The following PRICKLE2 variants were observed in gnomAD, a reference collection of about 807,000 sequenced individuals.
The protein encoded by PRICKLE2 is prickle planar cell polarity protein 2, also known as prickle-like protein 2.
Under a neutral mutation model 81.4 loss-of-function variants are expected in PRICKLE2, and 21 were observed. The ratio of observed to expected loss-of-function variants is 0.26; its 90% CI spans 0.18 to 0.37. PRICKLE2 has a LOEUF of 0.37. Among genes scored for constraint, PRICKLE2 ranks in the 10% least tolerant of loss-of-function variants. The pLI is 1.00. For missense variants in PRICKLE2, 940 were observed against 1,109.0 expected (o/e 0.85, Z 2.16); for synonymous variants, 456 against 421.5 (o/e 1.08, Z -1.00).
At chr3:64,174,863 C>A in intron 2 of PRICKLE2, 1 of 212,244 alleles carries the variant, frequency 4.7e-6, no homozygotes, top group South Asian at 8.9e-5. Context: ...ACACTTTTCT[C>A]AGATTTAATT....
intron 2 of PRICKLE2, among the ~76,000 whole-genome samples, chr3:64,180,904 A>G (rs2078119537): frequency 6.6e-6 from 1 of 152,202 alleles, no homozygotes; most frequent in African/African-American, 2.4e-5. Context: ...GGTGAAAATC[A>G]ATGGGGAGAA....
In PRICKLE2 at chr3:64,258,583, G is replaced by A. The variant is rs188147742; in HGVS notation, c.129-59616C>T. Among the ~76,000 whole-genome samples, 48 of 152,084 alleles carry A rather than the reference G, an allele frequency of 3.2e-4. 1 individual carries two copies. The East Asian group carries it at 7.0e-3, about 22-fold the overall frequency. ...CGCCTGTAATCCCAGCACTTTGGGA[G>A]GCCAAGGCAGGTGGATCATGAGGTC... On this transcript the variant is annotated intron_variant, in intron 2 of 8. Coordinates refer to the PRICKLE2 transcript ENST00000295902.
intron 3 of PRICKLE2, among the ~76,000 whole-genome samples, chr3:64,161,647 C>A (rs1411902953): frequency 6.7e-6 from 1 of 149,868 alleles, no homozygotes; most frequent in Non-Finnish European, 1.5e-5. Flanking sequence ...GCACAGTTAA[C>A]CATAAACACA....
chr3:64,114,198 G>GAA (rs61130256), intron 7 of PRICKLE2, among the ~76,000 whole-genome samples: 2 of 133,576 alleles, frequency 1.5e-5, no homozygotes, highest in Admixed American at 7.5e-5. Flanking sequence ...ATAGGATTAA[G>GAA]AAAAAAAAAA....
At chr3:64,177,567 T>C (rs527752751) in intron 2 of PRICKLE2, among the ~76,000 whole-genome samples, 11 of 152,164 alleles carry the variant, frequency 7.2e-5, no homozygotes, top group Non-Finnish European at 1.5e-4. Flanking sequence ...TAAATAATAA[T>C]TCCCCATTTC....
chr3:64,178,066 T>G (rs2078056410), intron 2 of PRICKLE2, among the ~76,000 whole-genome samples: 1 of 152,216 alleles, frequency 6.6e-6, no homozygotes, highest in Admixed American at 6.5e-5. Context: ...CAACATTTAT[T>G]TTCCAGTTTT....
chr3:64,159,970 T>A lies in PRICKLE2; in HGVS notation c.366A>T (p.Pro122=), dbSNP rs1248570551. The A allele has an allele frequency of 6.2e-7, 1 of 1,614,150 alleles. No homozygotes were observed. The highest frequency in any genetic ancestry group is 2.2e-5 in the East Asian group (1 of 44,880). ...NLGRGNVRPF[P]VTMTGAICEQ... ...CACAAATAGCTCCTGTCATGGTGAC[T>A]GGGAAAGGCCTGACATTCCCGCGGC... The change falls in exon 4 of 8, where the codon CCA becomes CCT. Residue 122 remains proline (P), a synonymous_variant. Transcript: ENST00000638394.
chr3:64,151,724 C>A (rs1056701457), intron 6 of PRICKLE2, among the ~76,000 whole-genome samples: 1 of 152,208 alleles, frequency 6.6e-6, no homozygotes, highest in Non-Finnish European at 1.5e-5. Flanking sequence ...TCCTACCTCT[C>A]CCCTTCCACA....
intron 7 of PRICKLE2, among the ~76,000 whole-genome samples, chr3:64,112,677 A>C (rs1459548473): frequency 6.6e-6 from 1 of 152,250 alleles, no homozygotes; most frequent in African/African-American, 2.4e-5. Flanking sequence ...AATTAAACTA[A>C]AGAGCTTCTG....
At chr3:64,263,928 G>C (rs2079655635) in intron 2 of PRICKLE2, among the ~76,000 whole-genome samples, 1 of 152,054 alleles carries the variant, frequency 6.6e-6, no homozygotes, top group Admixed American at 6.5e-5. Context: ...TGTCTAAATG[G>C]GGACCTCATG....
intron 4 of PRICKLE2, among the ~76,000 whole-genome samples, chr3:64,158,798 A>G (rs1475781258): frequency 6.6e-6 from 1 of 152,158 alleles, no homozygotes; most frequent in Non-Finnish European, 1.5e-5. Flanking sequence ...TCTCTGGTCA[A>G]TTAGCTACCC....
At chr3:64,201,638 C>T (rs183731421) in intron 1 of PRICKLE2, among the ~76,000 whole-genome samples, 1 of 152,142 alleles carries the variant, frequency 6.6e-6, no homozygotes, top group African/African-American at 2.4e-5. Flanking sequence ...TTTCTGGATA[C>T]AAGTCCTTTA....
chr3:64,249,805 G>C (rs2079418473), intron 2 of PRICKLE2, among the ~76,000 whole-genome samples: 1 of 152,164 alleles, frequency 6.6e-6, no homozygotes, highest in Non-Finnish European at 1.5e-5. Context: ...CTTGAAGGTG[G>C]AGACTCTCTT....
intron 2 of PRICKLE2, among the ~76,000 whole-genome samples, chr3:64,250,761 T>C (rs2079435712): frequency 6.6e-6 from 1 of 152,220 alleles, no homozygotes; most frequent in Non-Finnish European, 1.5e-5. Flanking sequence ...CTTCCCTTCC[T>C]AGCACAGAGT....
chr3:64,169,964 G>T (rs1435443264), intron 2 of PRICKLE2, among the ~76,000 whole-genome samples: 1 of 152,138 alleles, frequency 6.6e-6, no homozygotes, highest in Non-Finnish European at 1.5e-5. Context: ...AGGACCATCA[G>T]GTAGCATTAC....
At chr3:64,186,735 C>T (rs898014288) in intron 2 of PRICKLE2, among the ~76,000 whole-genome samples, 2 of 152,182 alleles carry the variant, frequency 1.3e-5, no homozygotes, top group African/African-American at 4.8e-5. Flanking sequence ...AAGGAAGGCA[C>T]AGGCAGATAA....
chr3:64,161,544 A>G (rs2077733723), intron 3 of PRICKLE2, among the ~76,000 whole-genome samples: 1 of 152,182 alleles, frequency 6.6e-6, no homozygotes, highest in East Asian at 1.9e-4. Flanking sequence ...CAAAAGAGCC[A>G]TTTCAAATAG....
chr3:64,258,854 A>G (rs1213705740), intron 2 of PRICKLE2, among the ~76,000 whole-genome samples: 1 of 127,964 alleles, frequency 7.8e-6, no homozygotes, highest in Non-Finnish European at 1.7e-5. Context: ...AAAAAGAAAG[A>G]AAGAAAGAAA....
rs10690677 is a variant in PRICKLE2, at chr3:64,177,125, CTTT to C, written c.145-13999_145-13997del. 5.7e-3 allele frequency among the ~76,000 whole-genome samples: 403 copies of C among 70,808 alleles called. 1 individual carries two copies. The highest frequency in any genetic ancestry group is 0.023 in the African/African-American group (381 of 16,444). The allele number at this position is 70,808 out of a possible 152,430, so 46.5% of individuals were successfully genotyped here. A position where few individuals can be genotyped will look rare whatever the true frequency, so the allele number is the denominator to read the frequency against. ...ACATTACAAGATTTGCCATTTTAAC[CTTT>C]TTTTTTTTTTTTTTTTTTTTTTTTG... is the stretch of plus-strand genomic sequence containing the variant. On this transcript the variant is annotated intron_variant, in intron 2 of 7. Transcript: ENST00000638394.
Sources: gnomAD v4.1 joint callset for allele counts (sites outside exome capture counted in the v4.1 genomes callset) on GRCh38, gnomAD v4.1.1 for gene constraint, MANE v1.5 for transcripts, NCBI Gene and HGNC (gene_info 2026-07-23, HGNC 2026-07-21) for gene names.